Variants in KCNIP3 observed in about 807,000 individuals in gnomAD.
KCNIP3 encodes the protein potassium voltage-gated channel interacting protein 3, also known as calsenilin.
Under a neutral mutation model 35.0 loss-of-function variants are expected in KCNIP3, and 28 were observed. The ratio of observed to expected loss-of-function variants is 0.80; its 90% CI spans 0.59 to 1.10. KCNIP3 has a LOEUF of 1.10. Among genes scored for constraint, KCNIP3 ranks in the 50% least tolerant of loss-of-function variants. KCNIP3 has a pLI of 0.00. For missense variants in KCNIP3, 295 were observed against 338.4 expected, an observed-to-expected ratio of 0.87 and a Z score of 1.01; for synonymous variants, 134 against 133.8, an observed-to-expected ratio of 1.00 and a Z score of -0.01.
At chr2:95,381,415 G>A (rs534076819) in intron 5 of KCNIP3, among the ~76,000 whole-genome samples, 181 bp from the exon 6 acceptor site, 10 of 152,254 alleles carry the variant, frequency 6.6e-5, no homozygotes, top group South Asian at 4.2e-4. Flanking sequence ...GTGCACACCC[G>A]TGCATGCGCT....
intron 2 of KCNIP3, among the ~76,000 whole-genome samples, chr2:95,363,627 A>G (rs748403295): frequency 6.6e-6 from 1 of 152,206 alleles, no homozygotes; most frequent in Non-Finnish European, 1.5e-5. Context: ...AAAAAATCCA[A>G]CTGAATTTTT....
chr2:95,366,433 C>T (rs1421304968), intron 2 of KCNIP3, among the ~76,000 whole-genome samples: 4 of 152,180 alleles, frequency 2.6e-5, no homozygotes, highest in Non-Finnish European at 5.9e-5. Context: ...CTCATCCACT[C>T]ACCAGTTGGA....
At chr2:95,321,843 C>T (rs971225486) in intron 2 of KCNIP3, among the ~76,000 whole-genome samples, 1 of 152,114 alleles carries the variant, frequency 6.6e-6, no homozygotes, top group Non-Finnish European at 1.5e-5. Context: ...TGGAAGACAT[C>T]GGAGCCCTAA....
chr2:95,301,756 T>C (rs1678037005), intron 1 of KCNIP3, among the ~76,000 whole-genome samples: 1 of 151,962 alleles, frequency 6.6e-6, no homozygotes, highest in Non-Finnish European at 1.5e-5. Flanking sequence ...CCAGGCAGCA[T>C]GGGGAGCTTG....
chr2:95,355,850 G>A (rs1358886014), intron 2 of KCNIP3, among the ~76,000 whole-genome samples: 1 of 152,012 alleles, frequency 6.6e-6, no homozygotes, highest in Non-Finnish European at 1.5e-5. Flanking sequence ...TAATCCTTTG[G>A]GTATATAACC....
rs142565087 is a variant in KCNIP3, at chr2:95,332,385, G to A, written c.181+21865G>A. Among the ~76,000 whole-genome samples the A allele has an allele frequency of 3.0e-3, 463 of 152,386 alleles. 9 individuals are homozygous for A. The East Asian group carries it at 0.039, about 13-fold the overall frequency. ...TACCAGCACTTTGGGAGGCTGAGGC[G>A]GGTGGATGACCTGAGGTCAGGAGTT... On this transcript the variant is annotated intron_variant, in intron 2 of 8. Transcript: ENST00000295225.
chr2:95,320,833 G>A (rs1013803278), intron 2 of KCNIP3, among the ~76,000 whole-genome samples: 4 of 151,716 alleles, frequency 2.6e-5, no homozygotes, highest in Non-Finnish European at 5.9e-5. Flanking sequence ...GGTGGGAGAA[G>A]GAGGGAAAAT....
At chr2:95,350,484 A>G (rs1337299369) in intron 2 of KCNIP3, among the ~76,000 whole-genome samples, 2 of 152,180 alleles carry the variant, frequency 1.3e-5, no homozygotes, top group African/African-American at 2.4e-5. Context: ...CTGCTGACCA[A>G]GAGGGAGAAC....
At chr2:95,383,711 G>A (rs1273872162) in intron 8 of KCNIP3, among the ~76,000 whole-genome samples, 2 of 152,218 alleles carry the variant, frequency 1.3e-5, no homozygotes, top group Non-Finnish European at 2.9e-5. Flanking sequence ...CCCACTCCCA[G>A]AGCAGTCCTG....
chr2:95,332,710 T>G (rs1377505548), intron 2 of KCNIP3, among the ~76,000 whole-genome samples: 1 of 152,254 alleles, frequency 6.6e-6, no homozygotes, highest in East Asian at 1.9e-4. Flanking sequence ...ACACAAATTC[T>G]TTCACTACAG....
Position 95,332,190 on chromosome 2 carries a change from C to T in KCNIP3, c.181+21670C>T, listed in dbSNP as rs535454748. On this transcript the variant is annotated intron_variant, in intron 2 of 8. Transcript: ENST00000295225. ...AAGGCCGGTCCTCCTGAGCCCTCAA[C>T]CAGACTGCACAGAGCCAGGCGAGAA... Among the ~76,000 whole-genome samples, 31 of 152,386 alleles carry T rather than the reference C, an allele frequency of 2.0e-4. 1 individual carries two copies. The South Asian group carries it at 6.2e-3, about 31-fold the overall frequency.
intron 2 of KCNIP3, among the ~76,000 whole-genome samples, chr2:95,373,567 C>T (rs1318438207): frequency 4.6e-5 from 7 of 151,908 alleles, no homozygotes; most frequent in South Asian, 2.1e-4. Flanking sequence ...GGACTACAGG[C>T]GCCCGCCACC....
chr2:95,362,791 G>A (rs1679832217), intron 2 of KCNIP3, among the ~76,000 whole-genome samples: 1 of 152,208 alleles, frequency 6.6e-6, no homozygotes, highest in Non-Finnish European at 1.5e-5. Flanking sequence ...CCACCGACTA[G>A]TACTGGTCCT....
At position 95,382,875 on chromosome 2, in the gene KCNIP3, A is replaced by G. The variant is rs1241177006; in HGVS notation, c.661-357A>G. On this transcript the variant is annotated intron_variant, in intron 7 of 8. Transcript: ENST00000295225. The surrounding 1 kb of genome is among the most constrained non-coding windows in gnomAD (Gnocchi z 4.5). The stretch of plus-strand genomic sequence containing the variant: ...TTGCTGGGGCCACTAGACATGGGCC[A>G]TCCTGTGACTCAGTTGCTCCCTCTG... 6.6e-6 allele frequency among the ~76,000 whole-genome samples: 1 copy of G among 152,148 alleles called. No homozygotes were observed. Among genetic ancestry groups the G allele is most frequent in the Non-Finnish European group, 1.5e-5 (1 of 68,018 alleles).
At chr2:95,343,541 C>G (rs1679270218) in intron 2 of KCNIP3, among the ~76,000 whole-genome samples, 3 of 152,082 alleles carry the variant, frequency 2.0e-5, no homozygotes, top group Admixed American at 1.3e-4. Context: ...CCCAGACCCG[C>G]CCTTATGAGT....
At chr2:95,340,512 G>A (rs1679171041) in intron 2 of KCNIP3, among the ~76,000 whole-genome samples, 1 of 152,208 alleles carries the variant, frequency 6.6e-6, no homozygotes, top group Non-Finnish European at 1.5e-5. Context: ...GAAGAGAGAA[G>A]AATGGGTTTT....
intron 2 of KCNIP3, among the ~76,000 whole-genome samples, chr2:95,349,897 TGGGACCTGGACCCTGTA>T (rs1278107247): frequency 6.6e-6 from 1 of 152,196 alleles, no homozygotes; most frequent in African/African-American, 2.4e-5. Context: ...ATGTTGGCTT[TGGGACCTGGACCCTGTA>T]GGGCTGGGCT....
At chr2:95,370,075 A>G (rs1406762744) in intron 2 of KCNIP3, among the ~76,000 whole-genome samples, 1 of 152,090 alleles carries the variant, frequency 6.6e-6, no homozygotes, top group African/African-American at 2.4e-5. Context: ...TAGTTGTTTT[A>G]AAGTTCTTTT....
rs1238205737 is a variant in KCNIP3, at chr2:95,382,098, G to A, written c.556-279G>A. Among the ~76,000 whole-genome samples the A allele has an allele frequency of 6.6e-6, 1 of 152,168 alleles. No individual in the cohort carries two copies. The highest frequency in any genetic ancestry group is 1.5e-5 in the Non-Finnish European group (1 of 68,028). On this transcript the variant is annotated intron_variant, in intron 6 of 8. Coordinates refer to ENST00000295225, the MANE Select transcript of KCNIP3 (RefSeq NM_013434.5). This position sits in a 1 kb window ranked among gnomAD's most constrained non-coding sequence, Gnocchi z 4.5. ...GCCCTCGCACATGGGCCCACAGACA[G>A]GTTTTGTTTGGTCCAAGCACTTTTT...
Sources: allele counts gnomAD v4.1 joint callset (sites outside exome capture counted in the v4.1 genomes callset), GRCh38; gene constraint gnomAD v4.1.1; non-coding constraint Gnocchi (gnomAD v3.1); transcripts MANE v1.5; gene names NCBI Gene and HGNC (gene_info 2026-07-23, HGNC 2026-07-21).